Variants in DAPK1 observed in about 807,000 individuals in gnomAD.
DAPK1 encodes the protein death associated protein kinase 1.
In DAPK1, 56 loss-of-function variants were observed where a neutral mutation model predicts 144.9. That is an observed-to-expected ratio of 0.39 (90% CI 0.31 to 0.48). DAPK1 has a LOEUF of 0.48. Ranked by LOEUF, DAPK1 falls within the 20% of genes least tolerant of loss-of-function variation. DAPK1 has a pLI of 0.95. For missense variants in DAPK1, 1,454 were observed against 1,875.4 expected, an observed-to-expected ratio of 0.78 and a Z score of 4.15; for synonymous variants, 690 against 749.0, an observed-to-expected ratio of 0.92 and a Z score of 1.29.
intron 2 of DAPK1, among the ~76,000 whole-genome samples, chr9:87,580,075 A>T (rs1411281001): frequency 6.6e-6 from 1 of 152,148 alleles, no homozygotes; most frequent in Non-Finnish European, 1.5e-5. Flanking sequence ...TAAATTTGAC[A>T]TGTAATAATC....
intron 2 of DAPK1, among the ~76,000 whole-genome samples, chr9:87,516,925 T>C (rs1183985062): frequency 1.3e-5 from 2 of 152,092 alleles, no homozygotes; most frequent in African/African-American, 4.8e-5. Context: ...AGGTACGTAC[T>C]ATCTGGCAGC....
In DAPK1 at chr9:87,646,484, T is replaced by C; in HGVS notation, c.1155T>C (p.Ile385=). Residue 385 remains isoleucine (I), a synonymous_variant, in exon 13 of 26, where the codon ATT becomes ATC. Transcript: ENST00000408954. ...AGCACGGGACACCTCCATTACTCAT[T>C]GCTGCTGGCTGTGGGAATATTCAAA... ...PNKHGTPPLL[I]AAGCGNIQIL... 6.2e-7 allele frequency: 1 copy of C among 1,614,028 alleles called. No homozygotes were observed. The highest frequency in any genetic ancestry group is 2.2e-5 in the East Asian group (1 of 44,876).
chr9:87,653,123 T>C (rs13283080), intron 17 of DAPK1, among the ~76,000 whole-genome samples: 10 of 114,656 alleles, frequency 8.7e-5, no homozygotes, highest in East Asian at 2.6e-4. Flanking sequence ...CTGTGTTCTC[T>C]CACCTGATCC....
chr9:87,526,409 G>C (rs12685665), intron 2 of DAPK1, among the ~76,000 whole-genome samples: 23,438 of 152,146 alleles, frequency 0.15, 1,878 homozygotes, highest in Admixed American at 0.18. Flanking sequence ...ATAGAATCAT[G>C]GCATATATAC....
intron 3 of DAPK1, among the ~76,000 whole-genome samples, chr9:87,635,665 C>T (rs988524229): frequency 6.6e-6 from 1 of 152,198 alleles, no homozygotes; most frequent in Non-Finnish European, 1.5e-5. Context: ...GGACCTTACC[C>T]ACGTGCCAGC....
intron 3 of DAPK1, chr9:87,632,351 T>G (rs1160776189): frequency 1.0e-6 from 1 of 981,544 alleles, no homozygotes; most frequent in Non-Finnish European, 1.2e-6. Flanking sequence ...TGAGTACATA[T>G]GTAGGGATGA....
chr9:87,629,602 T>C (rs1047367925), intron 3 of DAPK1, among the ~76,000 whole-genome samples: 2 of 152,162 alleles, frequency 1.3e-5, no homozygotes, highest in African/African-American at 4.8e-5. Flanking sequence ...GGTCTCAAAC[T>C]TGGGGCCTCA....
At position 87,632,497 on chromosome 9, in the gene DAPK1, G is replaced by C. The variant is rs551244784; in HGVS notation, c.285-5446G>C. The C allele has an allele frequency of 4.1e-5, 40 of 978,012 alleles. No individual in the cohort carries two copies. In the South Asian group the frequency reaches 1.7e-3, roughly 42 times the overall value. The allele number at this position is 978,012 out of a possible 1,614,324, so 60.6% of individuals were successfully genotyped here. A position where few individuals can be genotyped will look rare whatever the true frequency, so the allele number is the denominator to read the frequency against. On this transcript the variant is annotated intron_variant, in intron 3 of 25. Transcript: ENST00000408954. ...GAAGGGTGATCAGTATATATGTAGG[G>C]ATGAAGGAAGATGACAATATATATA...
intron 2 of DAPK1, among the ~76,000 whole-genome samples, chr9:87,536,900 G>A (rs1283206115): frequency 6.6e-6 from 1 of 152,082 alleles, no homozygotes. Context: ...TAGTGGAGTA[G>A]TGGTGTTAGT....
chr9:87,555,783 G>A (rs568700641), intron 2 of DAPK1, among the ~76,000 whole-genome samples: 22 of 152,348 alleles, frequency 1.4e-4, no homozygotes, highest in Middle Eastern at 6.8e-3. Flanking sequence ...GATTACAGGC[G>A]TAAGCCACTG....
chr9:87,588,150 A>G (rs17053161), intron 2 of DAPK1, among the ~76,000 whole-genome samples: 4,111 of 152,362 alleles, frequency 0.027, 196 homozygotes, highest in African/African-American at 0.094. Flanking sequence ...TGCATAAGTC[A>G]TAATGCCACG....
chr9:87,692,952 CTTTTTTTTTTTTTTT>C (rs61324273), intron 21 of DAPK1, among the ~76,000 whole-genome samples: 45 of 26,388 alleles, frequency 1.7e-3, no homozygotes, highest in African/African-American at 1.9e-3. Flanking sequence ...AGTGACTAGA[CTTTTTTTTTTTTTTT>C]TTTTTTTTTT....
chr9:87,681,323 C>A (rs1824609780), intron 19 of DAPK1, 81 bp from the exon 20 acceptor site: 1 of 785,840 alleles, frequency 1.3e-6, no homozygotes, highest in Non-Finnish European at 2.2e-6. Flanking sequence ...GTAAAAACTG[C>A]ACACCGGGGA....
intron 2 of DAPK1, among the ~76,000 whole-genome samples, chr9:87,515,828 G>C (rs1825030194): frequency 6.6e-6 from 1 of 152,114 alleles, no homozygotes; most frequent in Non-Finnish European, 1.5e-5. Flanking sequence ...GCAAGTAGCT[G>C]CCGTTTTCTT....
chr9:87,512,506 G>C (rs1031505255), intron 2 of DAPK1, among the ~76,000 whole-genome samples: 8 of 152,300 alleles, frequency 5.3e-5, no homozygotes, highest in African/African-American at 9.6e-5. Context: ...TGGCTGAAAG[G>C]CTGGATTGTT....
intron 10 of DAPK1, 29 bp from the exon 11 acceptor site, chr9:87,643,347 C>CTTTTTTTT: frequency 2.0e-6 from 2 of 1,001,868 alleles, no homozygotes; most frequent in South Asian, 1.7e-5. Context: ...CCCGCCCTCC[C>CTTTTTTTT]TTTTTTTTTT....
At chr9:87,557,540 A>G (rs1826763090) in intron 2 of DAPK1, among the ~76,000 whole-genome samples, 1 of 152,246 alleles carries the variant, frequency 6.6e-6, no homozygotes, top group South Asian at 2.1e-4. Flanking sequence ...ATCTTGGGAC[A>G]AAGCCATTAG....
chr9:87,687,862 C>T (rs571001745), intron 21 of DAPK1, among the ~76,000 whole-genome samples: 17 of 152,066 alleles, frequency 1.1e-4, no homozygotes, highest in Admixed American at 5.2e-4. Flanking sequence ...GAGGGTGTCT[C>T]ACTGTGGTTT....
At chr9:87,648,173 A>G (rs992552513) in intron 14 of DAPK1, among the ~76,000 whole-genome samples, 8 of 152,242 alleles carry the variant, frequency 5.3e-5, no homozygotes, top group African/African-American at 1.9e-4. Flanking sequence ...AGGTGGCAAC[A>G]CTATATCTTG....
Sources: allele counts gnomAD v4.1 joint callset (sites outside exome capture counted in the v4.1 genomes callset), GRCh38; gene constraint gnomAD v4.1.1; transcripts MANE v1.5; gene names NCBI Gene and HGNC (gene_info 2026-07-23, HGNC 2026-07-21).